LARP4B: variants seen among roughly 807,000 people sequenced by gnomAD.
LARP4B encodes the protein La ribonucleoprotein 4B.
Under a neutral mutation model 89.8 loss-of-function variants are expected in LARP4B, and 12 were observed. The ratio of observed to expected loss-of-function variants is 0.13; its 90% confidence interval spans 0.09 to 0.22. The LOEUF is 0.22. Among genes scored for constraint, LARP4B ranks in the 10% least tolerant of loss-of-function variants. LARP4B has a pLI of 1.00. For missense variants in LARP4B, 757 were observed against 947.7 expected (o/e 0.80, Z 2.64); for synonymous variants, 367 against 363.3 (o/e 1.01, Z -0.12).
intron 3 of LARP4B, among the ~76,000 whole-genome samples, chr10:872,137 A>G (rs914849422): frequency 6.6e-6 from 1 of 152,200 alleles, no homozygotes; most frequent in African/African-American, 2.4e-5. Flanking sequence ...GTAGTGCACT[A>G]CTTTCTGCGT....
At chr10:926,988 C>T (rs989343858) in intron 1 of LARP4B, among the ~76,000 whole-genome samples, 1 of 150,842 alleles carries the variant, frequency 6.6e-6, no homozygotes, top group African/African-American at 2.4e-5. Flanking sequence ...TGCAGTGAGC[C>T]GTGATCGTGC....
At chr10:873,054 C>G in intron 3 of LARP4B, 6 of 985,368 alleles carry the variant, frequency 6.1e-6, no homozygotes, top group Non-Finnish European at 6.0e-6. Context: ...ATCTTGTTTT[C>G]TGGTTCCTTT....
Position 825,187 on chromosome 10 carries a change from T to C in LARP4B, c.1362A>G (p.Thr454=). 6.2e-7 allele frequency: 1 copy of C among 1,614,192 alleles called. No homozygotes were observed. The change falls in exon 13 of 18, where the codon ACA becomes ACG. Residue 454 remains threonine (T), a synonymous_variant. Coordinates refer to ENST00000316157, the MANE Select transcript of LARP4B (RefSeq NM_015155.3). ...GTGTTCTAGTTTGACCTGCTTGCCT[T>C]GTTTGTGGACTCCGGACACCATTAA... ...RLINGVRSPQ[T]RQAGQTRTRI...
chr10:830,799 C>T (rs964718350), intron 9 of LARP4B, 68 bp downstream of exon 9: 1 of 715,870 alleles, frequency 1.4e-6, no homozygotes, highest in Non-Finnish European at 2.5e-6. Context: ...AAGTTTAGTC[C>T]CAACATGCAC....
rs565818367 is a variant in LARP4B, at chr10:845,885, A to G, written c.431-830T>C. On this transcript the variant is annotated intron_variant, in intron 5 of 17. Coordinates refer to ENST00000316157, the MANE Select transcript of LARP4B (RefSeq NM_015155.3). ...TAAGAGCCATGCTAACACAAGAGACACTTGTATCTTAAAAGTCAAAGTTAA... is the reference window on the plus strand; with the variant it reads ...TAAGAGCCATGCTAACACAAGAGACGCTTGTATCTTAAAAGTCAAAGTTAA... Among the ~76,000 whole-genome samples, 14 of 152,332 alleles carry G rather than the reference A, an allele frequency of 9.2e-5. No individual in the cohort carries two copies. In the East Asian group the frequency reaches 2.7e-3, roughly 29 times the overall value.
chr10:857,241 A>C (rs1404133322), intron 5 of LARP4B, among the ~76,000 whole-genome samples: 2 of 152,152 alleles, frequency 1.3e-5, no homozygotes, highest in East Asian at 3.9e-4. Flanking sequence ...TAAGATGCTA[A>C]GGGCTCAAAT....
intron 1 of LARP4B, among the ~76,000 whole-genome samples, chr10:889,102 A>T (rs1480728436): frequency 6.6e-6 from 1 of 152,138 alleles, no homozygotes; most frequent in Non-Finnish European, 1.5e-5. Flanking sequence ...AAAAACAAAA[A>T]TAAAAAAAGA....
At chr10:917,089 G>A (rs1178251214) in intron 1 of LARP4B, among the ~76,000 whole-genome samples, 1 of 152,128 alleles carries the variant, frequency 6.6e-6, no homozygotes, top group African/African-American at 2.4e-5. Flanking sequence ...AAACTGTTGT[G>A]TTCATGATGA....
In LARP4B at chr10:841,317, A is replaced by G. The variant is rs925641891; in HGVS notation, c.646+1615T>C. Among the ~76,000 whole-genome samples, 7 of 152,370 alleles carry G rather than the reference A, an allele frequency of 4.6e-5. No individual in the cohort carries two copies. In the South Asian group the frequency reaches 6.2e-4, roughly 14 times the overall value. ...TTGTCACATAGGTTCTTACAAAGGC[A>G]TGTACATTTCTGTCCAAAAATCGAG... On this transcript the variant is annotated intron_variant, in intron 7 of 17. Transcript: ENST00000316157.
the LARP4B span, among the ~76,000 whole-genome samples, chr10:958,692 A>C: frequency 6.6e-6 from 1 of 152,306 alleles, no homozygotes. Flanking sequence ...GGACGGGTGA[A>C]TCCGTTTAGC....
At chr10:830,261 G>T (rs2131662789) in intron 9 of LARP4B, among the ~76,000 whole-genome samples, 1 of 152,276 alleles carries the variant, frequency 6.6e-6, no homozygotes, top group East Asian at 1.9e-4. Flanking sequence ...CGGGCTGGCA[G>T]AGCTCACACT....
At chr10:947,422 G>A in the LARP4B span, among the ~76,000 whole-genome samples, 11 of 151,978 alleles carry the variant, frequency 7.2e-5, no homozygotes, top group African/African-American at 1.5e-4. Context: ...TCACAACCCC[G>A]TCCCAGGCAG....
intron 1 of LARP4B, among the ~76,000 whole-genome samples, chr10:913,820 T>G (rs762351858): frequency 1.3e-5 from 2 of 151,532 alleles, no homozygotes; most frequent in Non-Finnish European, 2.9e-5. Context: ...GAGGTGGGAG[T>G]ATCACTTAAA....
intron 17 of LARP4B, 80 bp from the exon 18 acceptor site, chr10:813,293 A>G (rs550595583): frequency 2.1e-6 from 3 of 1,404,316 alleles, no homozygotes; most frequent in Non-Finnish European, 2.9e-6. Context: ...CACTTAAGAT[A>G]AAAGAGTTTT....
chr10:826,861 T>C (rs1832652793), intron 11 of LARP4B, among the ~76,000 whole-genome samples: 1 of 152,188 alleles, frequency 6.6e-6, no homozygotes, highest in Non-Finnish European at 1.5e-5. Context: ...AACTGGAAGA[T>C]ATAACAGAAA....
rs138617518 is a variant in LARP4B at position 820,824 on chromosome 10, C to G, written c.1506G>C (p.Arg502=). The change falls in exon 14 of 18, where the codon CGG becomes CGC. Residue 502 remains arginine, a synonymous_variant. Transcript: ENST00000316157. ...CTGTAAACTTCTCCTCCCTTTTCTT[C>G]CGGTAGCCAAAGGAATTCTTCCTAG... ...GRGRKNSFGY[R]KKREEKFTSS... is the part of the protein sequence containing the mutation. 6.8e-6 allele frequency: 11 copies of G among 1,613,668 alleles called. No homozygotes were observed. The highest frequency in any genetic ancestry group is 9.3e-6 in the Non-Finnish European group (11 of 1,179,758).
At chr10:815,641 GGAGT>G (rs1339571376) in intron 15 of LARP4B, 1 of 152,252 alleles carries the variant, frequency 6.6e-6, no homozygotes, top group East Asian at 1.9e-4. Flanking sequence ...AGCAAAGGAC[GGAGT>G]GAAACTTACT....
At chr10:817,396 T>C (rs926209594) in intron 15 of LARP4B, among the ~76,000 whole-genome samples, 4 of 152,224 alleles carry the variant, frequency 2.6e-5, no homozygotes, top group African/African-American at 9.6e-5. Flanking sequence ...TTCCATTTCA[T>C]TCTGTTGTTT....
intron 1 of LARP4B, among the ~76,000 whole-genome samples, chr10:889,780 T>A (rs1835963272): frequency 6.6e-6 from 1 of 151,966 alleles, no homozygotes; most frequent in Non-Finnish European, 1.5e-5. Flanking sequence ...TGAAACCCCA[T>A]CTCTACTAAA....
Sources: gnomAD v4.1 joint callset for allele counts (sites outside exome capture counted in the v4.1 genomes callset) on GRCh38, gnomAD v4.1.1 for gene constraint, MANE v1.5 for transcripts, NCBI Gene and HGNC (gene_info 2026-07-23, HGNC 2026-07-21) for gene names.